The following MAD1L1 variants were observed in gnomAD, a reference collection of about 807,000 sequenced individuals.
MAD1L1 encodes mitotic arrest deficient 1 like 1, also known as mitotic spindle assembly checkpoint protein MAD1.
In MAD1L1, 95 loss-of-function variants were observed where a neutral mutation model predicts 96.9. That is an observed-to-expected ratio of 0.98 (90% CI 0.83 to 1.16). MAD1L1 has a LOEUF of 1.16. Ranked by LOEUF, MAD1L1 falls within the 50% of genes most tolerant of loss-of-function variation. The probability of loss-of-function intolerance (pLI) is 0.00; values close to 1 mark genes in which losing one functional copy is unlikely to be tolerated. For missense variants in MAD1L1, 1,007 were observed against 954.4 expected (o/e 1.06, Z -0.73); for synonymous variants, 473 against 396.6 (o/e 1.19, Z -2.29).
chr7:1,837,939 A>G (rs750801413), intron 18 of MAD1L1, among the ~76,000 whole-genome samples: 23 of 152,224 alleles, frequency 1.5e-4, no homozygotes, highest in South Asian at 4.1e-4. Context: ...AGGTGGTGGC[A>G]TCGGGGGCAG....
intron 15 of MAD1L1, among the ~76,000 whole-genome samples, chr7:1,961,066 C>T (rs1206129057): frequency 6.6e-6 from 1 of 152,172 alleles, no homozygotes; most frequent in Non-Finnish European, 1.5e-5. Context: ...AAAACCTGCA[C>T]GTGACAAGCT....
chr7:2,025,936 G>A (rs138576437), intron 12 of MAD1L1, among the ~76,000 whole-genome samples: 2 of 151,914 alleles, frequency 1.3e-5, no homozygotes, highest in African/African-American at 4.8e-5. Context: ...CATAAAAAAC[G>A]AATAAAAACT....
rs953993577 is a variant in MAD1L1, at chr7:2,103,604, G to A, written c.1074-34266C>T. Among the ~76,000 whole-genome samples the A allele has an allele frequency of 5.9e-5, 9 of 152,144 alleles. No homozygotes were observed. Among genetic ancestry groups the A allele is most frequent in the East Asian group, 1.9e-4 (1 of 5,184 alleles). On this transcript the variant is annotated intron_variant, in intron 11 of 18. Coordinates refer to ENST00000265854, the MANE Select transcript of MAD1L1 (RefSeq NM_001013836.2). The surrounding 1 kb of genome is among the most constrained non-coding windows in gnomAD (Gnocchi z 4.3). ...ACCAGGCAGCCCTGGGAGCCCCTGC[G>A]AAGGCCTCTCAGGAGCCGGGCAGCA...
intron 12 of MAD1L1, among the ~76,000 whole-genome samples, chr7:2,016,041 C>T (rs1162989660): frequency 6.6e-6 from 1 of 152,200 alleles, no homozygotes; most frequent in Non-Finnish European, 1.5e-5. Context: ...ATTCAACCTC[C>T]CTCCCCAAGT....
chr7:2,008,691 T>A (rs1234281261), intron 13 of MAD1L1, among the ~76,000 whole-genome samples: 2 of 151,670 alleles, frequency 1.3e-5, no homozygotes, highest in Non-Finnish European at 2.9e-5. Flanking sequence ...CCGGGCTGGG[T>A]GCAGACACAC....
chr7:2,007,207 G>C (rs914354808), intron 13 of MAD1L1, among the ~76,000 whole-genome samples: 3 of 152,228 alleles, frequency 2.0e-5, no homozygotes, highest in African/African-American at 7.2e-5. Flanking sequence ...TCAGTCACTG[G>C]AGACACACAG....
At chr7:1,928,900 A>G (rs1469506387) in intron 17 of MAD1L1, among the ~76,000 whole-genome samples, 1 of 152,162 alleles carries the variant, frequency 6.6e-6, no homozygotes, top group African/African-American at 2.4e-5. Context: ...CCATTAGGGC[A>G]CCTCACTGAG....
intron 1 of MAD1L1, among the ~76,000 whole-genome samples, chr7:2,231,330 T>G (rs1356790663): frequency 6.6e-6 from 1 of 151,610 alleles, no homozygotes; most frequent in African/African-American, 2.4e-5. Flanking sequence ...AATAAATAAA[T>G]AAACATAAGC....
intron 18 of MAD1L1, 36 bp downstream of exon 18, chr7:1,898,164 C>T (rs771335955): frequency 9.0e-6 from 14 of 1,562,630 alleles, no homozygotes; most frequent in East Asian, 2.4e-5. Flanking sequence ...AGACAGAGAG[C>T]GAGACAGCCG....
At chr7:2,104,246 A>G (rs569310773) in intron 11 of MAD1L1, among the ~76,000 whole-genome samples, 2 of 152,348 alleles carry the variant, frequency 1.3e-5, no homozygotes, top group African/African-American at 4.8e-5. Flanking sequence ...TCCCCTGTGC[A>G]CTGGCGGAGG....
chr7:1,980,422 G>T (rs1780845647), intron 15 of MAD1L1, 31 bp downstream of exon 15: 1 of 1,584,708 alleles, frequency 6.3e-7, no homozygotes, highest in South Asian at 1.1e-5. Context: ...GACACACCTG[G>T]GCGTGTCCGC....
intron 10 of MAD1L1, among the ~76,000 whole-genome samples, chr7:2,181,431 A>T (rs905953219): frequency 7.9e-5 from 12 of 152,274 alleles, no homozygotes; most frequent in African/African-American, 2.7e-4. Flanking sequence ...CATAAGATTT[A>T]AAAAATGCTA....
At chr7:2,163,535 G>T (rs150647025) in intron 10 of MAD1L1, among the ~76,000 whole-genome samples, 1,602 of 152,138 alleles carry the variant, frequency 0.011, 31 homozygotes, top group African/African-American at 0.036. Context: ...CACCACACCT[G>T]GCTAATTTTT....
chr7:2,094,827 G>A (rs553513152), intron 11 of MAD1L1, among the ~76,000 whole-genome samples: 5 of 152,288 alleles, frequency 3.3e-5, no homozygotes, highest in East Asian at 3.9e-4. Context: ...GACCCAGGGC[G>A]ATGGGAACTG....
At chr7:1,971,058 G>A (rs911291528) in intron 15 of MAD1L1, among the ~76,000 whole-genome samples, 2 of 152,120 alleles carry the variant, frequency 1.3e-5, no homozygotes, top group African/African-American at 4.8e-5. Context: ...AGTGCCACCC[G>A]GGGCCCACAG....
At chr7:1,852,030 T>C (rs1036092551) in intron 18 of MAD1L1, among the ~76,000 whole-genome samples, 3 of 152,012 alleles carry the variant, frequency 2.0e-5, no homozygotes, top group African/African-American at 4.8e-5. Context: ...GGTGCCCACG[T>C]TGGGGGCAGA....
chr7:1,935,705 C>A (rs552693847), intron 17 of MAD1L1, among the ~76,000 whole-genome samples: 23 of 152,342 alleles, frequency 1.5e-4, no homozygotes, highest in African/African-American at 5.5e-4. Flanking sequence ...CAGTACAGGG[C>A]GCGATGGCAA....
intron 11 of MAD1L1, among the ~76,000 whole-genome samples, chr7:2,107,973 G>A (rs541792160): frequency 6.6e-5 from 10 of 152,046 alleles, no homozygotes; most frequent in East Asian, 5.8e-4. Context: ...AGGAGACACC[G>A]GCACCCCCCC....
chr7:2,002,258 G>A (rs1047252233), intron 13 of MAD1L1, 137 bp from the exon 14 acceptor site: 11 of 803,088 alleles, frequency 1.4e-5, no homozygotes, highest in Non-Finnish European at 2.3e-5. Context: ...TGGGAAGTGG[G>A]CAGCCAGAGG....
Sources: allele counts gnomAD v4.1 joint callset (sites outside exome capture counted in the v4.1 genomes callset), GRCh38; gene constraint gnomAD v4.1.1; non-coding constraint Gnocchi (gnomAD v3.1); transcripts MANE v1.5; gene names NCBI Gene and HGNC (gene_info 2026-07-23, HGNC 2026-07-21).